Variants in KIFC3 observed in about 807,000 individuals in gnomAD.
KIFC3 encodes the protein kinesin-like protein KIFC3.
A neutral mutation model predicts 101.8 loss-of-function variants in KIFC3; 60 were observed. The observed-to-expected ratio is 0.59, with a 90% CI of 0.48 to 0.73. The LOEUF (loss-of-function observed/expected upper bound fraction) is 0.73, where lower values mean the gene tolerates loss of function less well. Ranked by LOEUF, KIFC3 falls within the 30% of genes least tolerant of loss-of-function variation. KIFC3 has a pLI of 0.00. For synonymous variants in KIFC3, 476 were observed against 482.7 expected (o/e 0.99, Z 0.18); for missense variants, 966 against 1,137.1 (o/e 0.85, Z 2.16).
At chr16:57,860,928 TC>T (rs1218283313) in intron 1 of KIFC3, among the ~76,000 whole-genome samples, 10 of 152,010 alleles carry the variant, frequency 6.6e-5, no homozygotes, top group African/African-American at 2.4e-4. Context: ...GCCAGGCTGG[TC>T]TTCAACTCCT....
Position 57,771,223 on chromosome 16 carries a change from A to G in KIFC3, c.740T>C (p.Leu247Pro). The part of the protein sequence containing the change: ...LRDSHETIAS[L>P]RAQSPPVKYV... ...CTTGACAGGTGGGGACTGGGCCCGC[A>G]GGCTGGCAATGGTCTCGTGGCTGTC... Residue 247 changes from leucine (L) to proline (P), a missense_variant, in exon 6 of 20, where the codon CTG becomes CCG. By Grantham distance (98) the Leu-to-Pro change is moderately conservative. This residue lies in a region of KIFC3 where 689 missense variants were observed against 884.6 expected (regional missense o/e 0.78). Transcript: ENST00000445690. 1 of 1,612,928 alleles carries G rather than the reference A, an allele frequency of 6.2e-7. No homozygotes were observed. The highest frequency in any genetic ancestry group is 8.5e-7 in the Non-Finnish European group (1 of 1,180,004).
At chr16:57,802,662 A>ACTCCCACTCCTTCGCGGGGC (rs2054819451), upstream of KIFC3, 1 of 926,158 alleles carries the variant, frequency 1.1e-6, no homozygotes, top group Admixed American at 3.8e-5. The surrounding 1 kb of genome is among the most constrained non-coding windows in gnomAD (Gnocchi z 5.0). Context: ...TCCCACTCCC[A>ACTCCCACTCCTTCGCGGGGC]CTCCCACTCC....
chr16:57,857,645 T>A (rs1442811690), intron 1 of KIFC3, among the ~76,000 whole-genome samples: 52 of 151,798 alleles, frequency 3.4e-4, no homozygotes, highest in African/African-American at 1.2e-3. Flanking sequence ...GTATGTTCAG[T>A]GTTTGGTTTT....
At chr16:57,816,650 C>T (rs1598199707) in intron 1 of KIFC3, 2 of 456,728 alleles carry the variant, frequency 4.4e-6, no homozygotes, top group African/African-American at 2.0e-5. Flanking sequence ...GCAGCTGCCA[C>T]ACCAGGCAGC....
In KIFC3 at chr16:57,816,294, A is replaced by G. The variant is rs111880162; in HGVS notation, c.109-18012T>C. The G allele has an allele frequency of 1.6e-4, 197 of 1,253,086 alleles. 2 individuals are homozygous for G. In the African/African-American group the frequency reaches 2.6e-3, roughly 16 times the overall value. The allele number at this position is 1,253,086 out of a possible 1,614,324, so 77.6% of individuals were successfully genotyped here. On this transcript the variant is annotated intron_variant, in intron 1 of 2. Coordinates refer to the KIFC3 transcript ENST00000563028. ...TGCCCCAAACCCAGAAGCCTGAGGA[A>G]GTAAGGAAGTGCGGTGGGATCTGTC...
At chr16:57,824,380 A>G (rs1555630424) in intron 1 of KIFC3, among the ~76,000 whole-genome samples, 1 of 152,228 alleles carries the variant, frequency 6.6e-6, no homozygotes, top group East Asian at 1.9e-4. Flanking sequence ...TGTTCACTGC[A>G]GAGAACAAGA....
At chr16:57,779,925 A>C (rs2052526308) in intron 3 of KIFC3, 1 of 152,290 alleles carries the variant, frequency 6.6e-6, no homozygotes, top group Non-Finnish European at 1.5e-5. Context: ...TCCTGGCAGA[A>C]GGAGGAGGAG....
upstream of KIFC3, chr16:57,803,165 C>T (rs1159876966): frequency 1.2e-6 from 1 of 846,336 alleles, no homozygotes; most frequent in Non-Finnish European, 1.9e-6. Flanking sequence ...TGCCTGGAGT[C>T]CCTTAAGGTA....
chr16:57,802,596 C>T (rs2054814391), upstream of KIFC3: 1 of 1,007,948 alleles, frequency 9.9e-7, no homozygotes, highest in Non-Finnish European at 1.2e-6. The surrounding 1 kb of genome is among the most constrained non-coding windows in gnomAD (Gnocchi z 5.0). Context: ...CGCACTCACG[C>T]GCACTGGCGC....
At position 57,771,571 on chromosome 16, in the gene KIFC3, C is replaced by T. The variant is rs1555608408; in HGVS notation, c.497G>A (p.Gly166Asp). ...ELQELRTKPA[G>D]PCPGCEHSQE... is the part of the protein sequence containing the mutation. ...GCTGTGCTCACAACCTGGGCAGGGA[C>T]CTGCTGGCTTTGTGCGCAGCTCTTG... The change falls in exon 5 of 20, where the codon GGT becomes GAT. Residue 166 changes from glycine (G) to aspartate (D), a missense_variant. Gly to Asp is a moderately conservative substitution (Grantham distance 94). Transcript: ENST00000445690. 6.2e-7 allele frequency: 1 copy of T among 1,613,432 alleles called. No homozygotes were observed. The highest frequency in any genetic ancestry group is 1.7e-5 in the Admixed American group (1 of 60,012).
chr16:57,826,272 T>A (rs1414553469), intron 1 of KIFC3, among the ~76,000 whole-genome samples: 1 of 152,252 alleles, frequency 6.6e-6, no homozygotes, highest in African/African-American at 2.4e-5. Context: ...ACGTCATGCA[T>A]ACACACTTGT....
At chr16:57,808,132 C>A (rs549387168), upstream of KIFC3, among the ~76,000 whole-genome samples, 40 of 152,072 alleles carry the variant, frequency 2.6e-4, no homozygotes, top group Non-Finnish European at 4.7e-4. Flanking sequence ...AGATTCCCTC[C>A]CTCCTAGCAC....
At chr16:57,772,708 C>T (rs2051424579) in intron 3 of KIFC3, among the ~76,000 whole-genome samples, 1 of 152,182 alleles carries the variant, frequency 6.6e-6, no homozygotes, top group Non-Finnish European at 1.5e-5. Context: ...ATGGTACATA[C>T]TCCAGGTCCT....
chr16:57,775,938 T>G, intron 3 of KIFC3: 8 of 985,556 alleles, frequency 8.1e-6, no homozygotes, highest in Non-Finnish European at 8.4e-6. Flanking sequence ...GGCGTCACCC[T>G]GCCTGCTCAA....
chr16:57,854,860 A>C (rs1230256183), intron 1 of KIFC3, among the ~76,000 whole-genome samples: 2 of 152,168 alleles, frequency 1.3e-5, no homozygotes, highest in Non-Finnish European at 2.9e-5. Flanking sequence ...TCAATAGAAA[A>C]ATATCTGGAA....
intron 1 of KIFC3, among the ~76,000 whole-genome samples, chr16:57,854,605 G>A (rs2056125447): frequency 6.7e-6 from 1 of 150,218 alleles, no homozygotes; most frequent in East Asian, 2.0e-4. Flanking sequence ...TCCAGCCTGG[G>A]TGACAGAGCA....
chr16:57,804,929 G>T (rs2054899616), upstream of KIFC3, among the ~76,000 whole-genome samples: 1 of 150,404 alleles, frequency 6.6e-6, no homozygotes, highest in African/African-American at 2.4e-5. Context: ...TTTTGAGACG[G>T]GGGCTCGCTC....
chr16:57,858,684 C>T (rs1052092782), intron 1 of KIFC3, among the ~76,000 whole-genome samples: 1 of 152,124 alleles, frequency 6.6e-6, no homozygotes, highest in Non-Finnish European at 1.5e-5. Flanking sequence ...CAGTGGCTCA[C>T]ACCTGTCATC....
chr16:57,849,254 T>C (rs2055998383), intron 1 of KIFC3, among the ~76,000 whole-genome samples: 1 of 152,172 alleles, frequency 6.6e-6, no homozygotes, highest in South Asian at 2.1e-4. Flanking sequence ...AAAGGGTACG[T>C]TGTAAATAAA....
Sources: gnomAD v4.1 joint callset for allele counts (sites outside exome capture counted in the v4.1 genomes callset) on GRCh38, gnomAD v4.1.1 for gene constraint, gnomAD v4.1.1 regional missense constraint, Gnocchi (gnomAD v3.1) non-coding constraint, MANE v1.5 for transcripts, NCBI Gene and HGNC (gene_info 2026-07-23, HGNC 2026-07-21) for gene names.